The following ZNF423 variants were observed in gnomAD, a reference collection of about 807,000 sequenced individuals.
ZNF423 encodes zinc finger protein 423, also known as Ebf-associated zinc finger protein.
A neutral mutation model predicts 95.8 loss-of-function variants in ZNF423; 12 were observed. The observed-to-expected ratio is 0.13, with a 90% confidence interval of 0.08 to 0.20. The LOEUF is 0.20. ZNF423 is among the 10% of genes least tolerant of loss of function. The probability of loss-of-function intolerance (pLI) is 1.00; values close to 1 mark genes in which losing one functional copy is unlikely to be tolerated. For missense variants in ZNF423, 1,316 were observed against 1,737.1 expected (o/e 0.76, Z 4.31); for synonymous variants, 749 against 711.9 (o/e 1.05, Z -0.83).
Position 49,637,361 on chromosome 16 carries a change from C to T in ZNF423, c.1815G>A (p.Lys605=). Residue 605 remains lysine, a synonymous_variant, in exon 4 of 8, where the codon AAG becomes AAA. Transcript: ENST00000563137. The surrounding 1 kb of genome is among the most constrained non-coding windows in gnomAD (Gnocchi z 5.6). ...NHKNIPLAHS[K]KSKAEQSPVS... Reference sequence around the variant, plus strand: ...CTGGGCTCTGCTCGGCCTTGGACTTCTTGCTGTGGGCCAGTGGAATGTTCT... The same window carrying T: ...CTGGGCTCTGCTCGGCCTTGGACTTTTTGCTGTGGGCCAGTGGAATGTTCT... 6.2e-7 allele frequency: 1 copy of T among 1,614,226 alleles called. No homozygotes were observed.
At chr16:49,538,021 C>T (rs760208228) in intron 5 of ZNF423, among the ~76,000 whole-genome samples, 1 of 152,208 alleles carries the variant, frequency 6.6e-6, no homozygotes, top group Non-Finnish European at 1.5e-5. Context: ...CTCCCACCTG[C>T]CAAGCAGGTG....
At chr16:49,755,008 G>A (rs1435186076) in intron 2 of ZNF423, among the ~76,000 whole-genome samples, 1 of 152,164 alleles carries the variant, frequency 6.6e-6, no homozygotes, top group Non-Finnish European at 1.5e-5. Flanking sequence ...ACAGTCCGCC[G>A]GTGCGGCTAT....
At chr16:49,506,138 G>C (rs902497683) in intron 7 of ZNF423, among the ~76,000 whole-genome samples, 5 of 152,200 alleles carry the variant, frequency 3.3e-5, no homozygotes, top group African/African-American at 1.2e-4. Flanking sequence ...GTGAAATTAA[G>C]AGCACACGAA....
intron 3 of ZNF423, among the ~76,000 whole-genome samples, chr16:49,693,343 G>T (rs914763923): frequency 5.9e-5 from 9 of 152,180 alleles, no homozygotes; most frequent in Non-Finnish European, 1.3e-4. Flanking sequence ...GAGGCTAAGA[G>T]AATTAAGTTA....
At chr16:49,815,902 ATATATATATATATTTTTTTTT>A (rs2034842033) in intron 1 of ZNF423, among the ~76,000 whole-genome samples, 3 of 46,712 alleles carry the variant, frequency 6.4e-5, no homozygotes, top group African/African-American at 2.8e-4. Context: ...ATATATATAT[ATATATATATATATTTTTTTTT>A]TTTTTTTTTT....
rs2035347005 is a variant in ZNF423, at chr16:49,855,165, CGAGG to C, written c.40+566_40+569del. ...GGGAGGGGGCGCCAGGCGGCCGGGG[CGAGG>C]GCGCGGCGCCCGGGGCGCTCGCCGA... On this transcript the variant is annotated intron_variant, in intron 1 of 7. Transcript: ENST00000563137. This position sits in a 1 kb window ranked among gnomAD's most constrained non-coding sequence, Gnocchi z 4.7. Among the ~76,000 whole-genome samples, 3 of 149,742 alleles carry C rather than the reference CGAGG, an allele frequency of 2.0e-5. No homozygotes were observed. The highest frequency in any genetic ancestry group is 2.0e-4 in the Admixed American group (3 of 15,094).
intron 5 of ZNF423, among the ~76,000 whole-genome samples, chr16:49,623,100 G>A (rs1006513702): frequency 6.6e-6 from 1 of 152,126 alleles, no homozygotes; most frequent in South Asian, 2.1e-4. Flanking sequence ...GCCACCGGAG[G>A]TCTGGCTCAC....
intron 5 of ZNF423, among the ~76,000 whole-genome samples, chr16:49,561,486 A>G (rs142196011): frequency 1.7e-3 from 254 of 152,278 alleles, no homozygotes; most frequent in African/African-American, 5.7e-3. Context: ...CTTAATCCAT[A>G]ACCTCTCTTT....
At chr16:49,620,922 T>C (rs138605846) in intron 5 of ZNF423, among the ~76,000 whole-genome samples, 45 of 152,210 alleles carry the variant, frequency 3.0e-4, no homozygotes, top group Non-Finnish European at 6.6e-4. Flanking sequence ...ACATTATACA[T>C]ATATGTTCAA....
At chr16:49,794,368 C>A (rs548756268) in intron 1 of ZNF423, among the ~76,000 whole-genome samples, 35 of 152,016 alleles carry the variant, frequency 2.3e-4, no homozygotes, top group Middle Eastern at 3.4e-3. Context: ...TGCACCTAGC[C>A]CACTTTTTCT....
chr16:49,574,991 G>T (rs536653915), intron 5 of ZNF423, among the ~76,000 whole-genome samples: 1 of 152,056 alleles, frequency 6.6e-6, no homozygotes, highest in African/African-American at 2.4e-5. Flanking sequence ...CCAGATGCCC[G>T]GCCCTGCCCA....
At chr16:49,532,711 T>A (rs551702766) in intron 5 of ZNF423, among the ~76,000 whole-genome samples, 3 of 152,296 alleles carry the variant, frequency 2.0e-5, no homozygotes, top group Admixed American at 2.0e-4. Flanking sequence ...CAACGGAGAA[T>A]GAGCTCAACC....
intron 1 of ZNF423, among the ~76,000 whole-genome samples, chr16:49,796,352 C>T (rs1296495776): frequency 6.6e-6 from 1 of 152,214 alleles, no homozygotes; most frequent in Non-Finnish European, 1.5e-5. Context: ...ACCACCTCCT[C>T]CAGGTCACTT....
chr16:49,691,419 G>A (rs549549843), intron 3 of ZNF423, among the ~76,000 whole-genome samples: 132 of 152,254 alleles, frequency 8.7e-4, no homozygotes, highest in African/African-American at 3.0e-3. Flanking sequence ...TCTGAGCCTC[G>A]GTTTCCTCAT....
In ZNF423 at chr16:49,603,639, A is replaced by G. The variant is rs1229721595; in HGVS notation, c.3601+22531T>C. On this transcript the variant is annotated intron_variant, in intron 5 of 7. Coordinates refer to ENST00000563137, the MANE Select transcript of ZNF423 (RefSeq NM_001379286.1). The surrounding 1 kb of genome is among the most constrained non-coding windows in gnomAD (Gnocchi z 4.1). The stretch of plus-strand genomic sequence containing the variant: ...TGGCCAGGCTGGTCTCGAACTCCTG[A>G]TCTCAGGTGATCCGCCCACCTCGGC... Among the ~76,000 whole-genome samples the G allele has an allele frequency of 6.6e-6, 1 of 152,086 alleles. No individual in the cohort carries two copies. The highest frequency in any genetic ancestry group is 1.5e-5 in the Non-Finnish European group (1 of 68,012).
rs771733244 is a variant in ZNF423 at position 49,828,032 on chromosome 16, C to T, written c.40+27703G>A. Among the ~76,000 whole-genome samples the T allele has an allele frequency of 3.3e-5, 5 of 152,326 alleles. No individual in the cohort carries two copies. In the East Asian group the frequency reaches 5.8e-4, roughly 18 times the overall value. On this transcript the variant is annotated intron_variant, in intron 1 of 7. Coordinates refer to ENST00000563137, the MANE Select transcript of ZNF423 (RefSeq NM_001379286.1). ...CTGGAAGTACAAGTGCAAGCCATTTCGTTGACTCTTCTCCGATTCAGACTT... is the reference window on the plus strand; with the variant it reads ...CTGGAAGTACAAGTGCAAGCCATTTTGTTGACTCTTCTCCGATTCAGACTT...
intron 5 of ZNF423, among the ~76,000 whole-genome samples, chr16:49,597,715 A>G (rs750358698): frequency 1.3e-5 from 2 of 152,168 alleles, no homozygotes; most frequent in Non-Finnish European, 2.9e-5. Context: ...TTATGATTCT[A>G]GAGCTCTGCA....
chr16:49,496,698 G>A (rs1348728784), intron 7 of ZNF423, among the ~76,000 whole-genome samples: 2 of 152,172 alleles, frequency 1.3e-5, no homozygotes, highest in Non-Finnish European at 2.9e-5. Context: ...GCCTGCATAC[G>A]TCCCAGTCTG....
chr16:49,550,790 G>A (rs1003718130), intron 5 of ZNF423, among the ~76,000 whole-genome samples: 5 of 152,336 alleles, frequency 3.3e-5, no homozygotes, highest in African/African-American at 4.8e-5. Context: ...GGATGTGGCC[G>A]GCCCAACAAG....
Sources: gnomAD v4.1 joint callset for allele counts (sites outside exome capture counted in the v4.1 genomes callset) on GRCh38, gnomAD v4.1.1 for gene constraint, Gnocchi (gnomAD v3.1) non-coding constraint, MANE v1.5 for transcripts, NCBI Gene and HGNC (gene_info 2026-07-23, HGNC 2026-07-21) for gene names.